The following KCTD3 variants were observed in gnomAD, a reference collection of about 807,000 sequenced individuals.
The protein encoded by KCTD3 is potassium channel tetramerization domain containing 3.
KCTD3 carries 41 observed loss-of-function variants against 85.8 expected under a neutral mutation model. The observed-to-expected ratio is 0.48, with a 90% CI of 0.37 to 0.62. The LOEUF is 0.62. KCTD3 is among the 20% of genes least tolerant of loss of function. The pLI is 0.00. For missense variants in KCTD3, 724 were observed against 989.9 expected (o/e 0.73, Z 3.60); for synonymous variants, 338 against 345.4 (o/e 0.98, Z 0.24).
chr1:215,619,121 A>T, intron 16 of KCTD3, 32 bp from the exon 17 acceptor site: 12 of 1,609,256 alleles, frequency 7.5e-6, no homozygotes, highest in Non-Finnish European at 1.0e-5. Flanking sequence ...CTTTTCACTT[A>T]AGTGATTTTA....
At chr1:215,585,659 G>T (rs1036931605) in intron 8 of KCTD3, among the ~76,000 whole-genome samples, 1 of 152,124 alleles carries the variant, frequency 6.6e-6, no homozygotes, top group Non-Finnish European at 1.5e-5. Context: ...TCATTATTAT[G>T]ATTACGTAAC....
Position 215,579,917 on chromosome 1 carries a change from G to A in KCTD3, c.544G>A (p.Val182Met), listed in dbSNP as rs758671530. 6.2e-7 allele frequency: 1 copy of A among 1,611,824 alleles called. No homozygotes were observed. The highest frequency in any genetic ancestry group is 8.5e-7 in the Non-Finnish European group (1 of 1,178,100). ...GEETVRLGFP[V>M]DPRKVLIVAG... ...TTTTCCAAAATCAACAGGATTTCCTGTGGATCCACGAAAGGTGCTAATAGT... is the reference window on the plus strand; with the variant it reads ...TTTTCCAAAATCAACAGGATTTCCTATGGATCCACGAAAGGTGCTAATAGT... Residue 182 changes from valine to methionine, a missense_variant, in exon 8 of 18, where the codon GTG (valine) becomes ATG (methionine). Around this residue, in one of 6 missense-constraint regions of KCTD3, gnomAD observed 106 missense variants for 98.2 expected, o/e 1.08. Coordinates refer to ENST00000259154, the MANE Select transcript of KCTD3 (RefSeq NM_016121.5).
In KCTD3 at chr1:215,620,062, A is replaced by G. The variant is rs1300405311; in HGVS notation, c.1892A>G (p.Gln631Arg). ...SHLRESNSSL[Q>R]LQHHDTTHEA... ...TTTTAAAAACTGTATTTCAGCCTTC[A>G]GCTTCAGCACCATGATACCACCCAT... The change falls in exon 18 of 18, where the codon CAG (glutamine) becomes CGG (arginine). Residue 631 changes from glutamine (Q) to arginine (R), a missense_variant. Physicochemically the swap from Gln to Arg is conservative, Grantham distance 43. Transcript: ENST00000259154. 8.3e-6 allele frequency: 13 copies of G among 1,568,214 alleles called. No individual in the cohort carries two copies. The highest frequency in any genetic ancestry group is 1.4e-5 in the African/African-American group (1 of 72,488).
In KCTD3 at chr1:215,621,193, A is replaced by AATTTAGTC. The variant is rs1655674771; in HGVS notation, c.*576_*583dup. Reference sequence around the variant, plus strand: ...GTAGTAAGTCTTTTAGGATGATTTTAATTTAGTCGTGCGTCATTTTCTGAT... The same window carrying AATTTAGTC: ...GTAGTAAGTCTTTTAGGATGATTTTAATTTAGTCATTTAGTCGTGCGTCATTTTCTGAT... On this transcript the variant is annotated 3_prime_UTR_variant, in exon 18 of 18. Coordinates refer to ENST00000259154, the MANE Select transcript of KCTD3 (RefSeq NM_016121.5). 6.6e-6 allele frequency: 1 copy of AATTTAGTC among 152,632 alleles called. No individual in the cohort carries two copies. The highest frequency in any genetic ancestry group is 1.5e-5 in the Non-Finnish European group (1 of 68,058). The allele number at this position is 152,632 out of a possible 1,614,324, so 9.5% of individuals were successfully genotyped here.
intron 8 of KCTD3, among the ~76,000 whole-genome samples, chr1:215,584,398 G>A (rs1008954423): frequency 3.3e-5 from 5 of 152,112 alleles, no homozygotes; most frequent in Admixed American, 6.6e-5. Flanking sequence ...AGAATAATTA[G>A]TTCCTATATA....
chr1:215,610,137 G>A (rs1655172113), intron 14 of KCTD3, among the ~76,000 whole-genome samples: 1 of 151,858 alleles, frequency 6.6e-6, no homozygotes, highest in Non-Finnish European at 1.5e-5. Context: ...ACAGATTAGT[G>A]GAACAGAGTA....
intron 10 of KCTD3, among the ~76,000 whole-genome samples, chr1:215,600,457 C>G (rs1456845973): frequency 6.6e-6 from 1 of 152,168 alleles, no homozygotes; most frequent in East Asian, 1.9e-4. Context: ...GATCTTTGCT[C>G]TTCACCCACC....
chr1:215,605,434 T>C (rs1037103596), intron 13 of KCTD3, among the ~76,000 whole-genome samples: 1 of 152,122 alleles, frequency 6.6e-6, no homozygotes, highest in Non-Finnish European at 1.5e-5. Flanking sequence ...TGGTTCCTCA[T>C]CTTTTGCCCA....
At chr1:215,590,883 G>A (rs1459010658) in intron 9 of KCTD3, among the ~76,000 whole-genome samples, 3 of 152,254 alleles carry the variant, frequency 2.0e-5, no homozygotes, top group East Asian at 1.9e-4. Flanking sequence ...GATACATTTT[G>A]TAGGGTTATG....
intron 15 of KCTD3, among the ~76,000 whole-genome samples, chr1:215,613,501 T>C (rs977006125): frequency 6.6e-6 from 1 of 152,232 alleles, no homozygotes; most frequent in Non-Finnish European, 1.5e-5. Flanking sequence ...CTCTTTACTT[T>C]AATAAGGTCC....
rs796982797 is a variant in KCTD3, at chr1:215,603,149, A to AT, written c.1138+958dup. On this transcript the variant is annotated intron_variant, in intron 12 of 17. Transcript: ENST00000259154. ...ACCCCTGCTCTAGAATGAGCTGTGG[A>AT]TTTTTTTTTTAAATCTAGTTAAAAG... Among the ~76,000 whole-genome samples, 81 of 150,512 alleles carry AT rather than the reference A, an allele frequency of 5.4e-4. 1 individual carries two copies. Among genetic ancestry groups the AT allele is most frequent in the South Asian group, 4.4e-3 (21 of 4,738 alleles).
intron 3 of KCTD3, among the ~76,000 whole-genome samples, chr1:215,574,452 A>T (rs972803889): frequency 6.6e-6 from 1 of 152,184 alleles, no homozygotes; most frequent in Non-Finnish European, 1.5e-5. Flanking sequence ...ATATTAGAAT[A>T]TAAGAGGTTA....
intron 9 of KCTD3, among the ~76,000 whole-genome samples, chr1:215,588,028 T>C (rs1362379136): frequency 6.6e-6 from 1 of 152,140 alleles, no homozygotes; most frequent in Non-Finnish European, 1.5e-5. Flanking sequence ...CAGATAAAAG[T>C]TTTCCAAACT....
Position 215,618,887 on chromosome 1 carries a change from A to G in KCTD3, c.1564A>G (p.Ile522Val). ...FVRLSSTGKR[I>V]CEIQAVDCTT... ...GCTCTTTCTGCTTTTCTTTTGCAGAATATGTGAGATCCAGGCTGTTGACTG... is the reference window on the plus strand; with the variant it reads ...GCTCTTTCTGCTTTTCTTTTGCAGAGTATGTGAGATCCAGGCTGTTGACTG... Residue 522 changes from isoleucine to valine, a missense_variant and splice_region_variant, in exon 16 of 18, where the codon ATA (isoleucine) becomes GTA (valine). By Grantham distance (29) the Ile-to-Val change is conservative. Around this residue, in one of 6 missense-constraint regions of KCTD3, gnomAD observed 136 missense variants for 197.6 expected, o/e 0.69. Coordinates refer to ENST00000259154, the MANE Select transcript of KCTD3 (RefSeq NM_016121.5). The G allele has an allele frequency of 6.3e-7, 1 of 1,590,696 alleles. No homozygotes were observed. Among genetic ancestry groups the G allele is most frequent in the East Asian group, 2.3e-5 (1 of 44,224 alleles).
In KCTD3 at chr1:215,621,331, A is replaced by AAATAAT. The variant is rs1324513354; in HGVS notation, c.*717_*722dup. 6.6e-6 allele frequency: 1 copy of AAATAAT among 152,180 alleles called. No individual in the cohort carries two copies. The highest frequency in any genetic ancestry group is 1.5e-5 in the Non-Finnish European group (1 of 67,982). 9.4% of individuals were successfully genotyped at this position (152,180 alleles called of 1,614,324 possible). A position where few individuals can be genotyped will look rare whatever the true frequency, so the allele number is the denominator to read the frequency against. ...GTCTGTGTTTGAAAAGATGAAATAA[A>AAATAAT]AATAATAATCAAGGGCAAAGCTTTG... On this transcript the variant is annotated 3_prime_UTR_variant, in exon 18 of 18. Coordinates refer to ENST00000259154, the MANE Select transcript of KCTD3 (RefSeq NM_016121.5).
chr1:215,567,669 G>A lies in KCTD3; in HGVS notation c.-17G>A, dbSNP rs962287803. On this transcript the variant is annotated 5_prime_UTR_variant, in exon 1 of 18. Coordinates refer to ENST00000259154, the MANE Select transcript of KCTD3 (RefSeq NM_016121.5). ...GCTGGGGAAGGAGGGCGGCGAGCGC[G>A]TCCGGAGCCGCCGGAGATGGCGGGA... The A allele has an allele frequency of 8.1e-7, 1 of 1,232,544 alleles. No homozygotes were observed. The highest frequency in any genetic ancestry group is 1.0e-6 in the Non-Finnish European group (1 of 984,664). The allele number at this position is 1,232,544 out of a possible 1,614,324, so 76.4% of individuals were successfully genotyped here. A position where few individuals can be genotyped will look rare whatever the true frequency, so the allele number is the denominator to read the frequency against.
chr1:215,577,963 C>T, intron 5 of KCTD3, 38 bp from the exon 6 acceptor site: 2 of 1,596,934 alleles, frequency 1.3e-6, no homozygotes, highest in Non-Finnish European at 1.7e-6. Context: ...TTTCTGTTTG[C>T]ATGTACTCTT....
intron 15 of KCTD3, chr1:215,618,012 T>C (rs1655522476): frequency 4.9e-6 from 2 of 406,496 alleles, no homozygotes; most frequent in Middle Eastern, 3.6e-4. Context: ...TGGCCACTTC[T>C]TTGGACCTCA....
At chr1:215,577,876 C>A in intron 5 of KCTD3, 125 bp from the exon 6 acceptor site, 1 of 1,422,806 alleles carries the variant, frequency 7.0e-7, no homozygotes, top group Non-Finnish European at 9.7e-7. Flanking sequence ...AAGATGTTGT[C>A]AACTCTGACT....
Sources: gnomAD v4.1 joint callset for allele counts (sites outside exome capture counted in the v4.1 genomes callset) on GRCh38, gnomAD v4.1.1 for gene constraint, gnomAD v4.1.1 regional missense constraint, MANE v1.5 for transcripts, NCBI Gene and HGNC (gene_info 2026-07-23, HGNC 2026-07-21) for gene names.